The following GRM4 variants were observed in gnomAD, a reference collection of about 807,000 sequenced individuals.
GRM4 encodes the protein metabotropic glutamate receptor 4.
GRM4 carries 28 observed loss-of-function variants against 81.7 expected under a neutral mutation model. The observed-to-expected ratio is 0.34, with a 90% CI of 0.25 to 0.47. GRM4 has a LOEUF of 0.47. GRM4 is among the 20% of genes least tolerant of loss of function. The probability of loss-of-function intolerance (pLI) is 1.00; values close to 1 mark genes in which losing one functional copy is unlikely to be tolerated. For synonymous variants in GRM4, 488 were observed against 528.8 expected (o/e 0.92, Z 1.06); for missense variants, 948 against 1,290.0 (o/e 0.73, Z 4.06).
intron 2 of GRM4, chr6:34,102,118 C>T: frequency 2.0e-6 from 3 of 1,535,606 alleles, no homozygotes; most frequent in Non-Finnish European, 2.6e-6. Flanking sequence ...GAGTTTGCAC[C>T]ATCTTGCAGC....
rs936737574 is a variant in GRM4 at position 34,130,054 on chromosome 6, G to A, written c.519+2924C>T. On this transcript the variant is annotated intron_variant, in intron 2 of 10. Transcript: ENST00000538487. This position sits in a 1 kb window ranked among gnomAD's most constrained non-coding sequence, Gnocchi z 4.1. ...TTGAAATGGACACCTGGTGGTGGGC[G>A]CAGGTCCCCTCCCCCAAGGCATCCC... Among the ~76,000 whole-genome samples, 2 of 152,126 alleles carry A rather than the reference G, an allele frequency of 1.3e-5. No individual in the cohort carries two copies. Among genetic ancestry groups the A allele is most frequent in the African/African-American group, 4.8e-5 (2 of 41,416 alleles).
At chr6:34,044,229 G>T (rs796240007) in intron 6 of GRM4, among the ~76,000 whole-genome samples, 1 of 117,660 alleles carries the variant, frequency 8.5e-6, no homozygotes. Context: ...CATATATACA[G>T]ACACACACAT....
In GRM4 at chr6:34,065,443, A is replaced by G. The variant is rs928094114; in HGVS notation, c.737-3415T>C. Among the ~76,000 whole-genome samples the G allele has an allele frequency of 2.0e-5, 3 of 152,188 alleles. No homozygotes were observed. The South Asian group carries it at 6.2e-4, about 32-fold the overall frequency. On this transcript the variant is annotated intron_variant, in intron 3 of 10. Transcript: ENST00000538487. ...TCAAATGAAAGCCCACAAAGCCCTC[A>G]GGGAACAAGCCCACTCCGTATCTCA...
chr6:34,031,076 G>T (rs887715722), intron 9 of GRM4, among the ~76,000 whole-genome samples: 1 of 152,208 alleles, frequency 6.6e-6, no homozygotes, highest in Non-Finnish European at 1.5e-5. Context: ...GGAGGTGGTA[G>T]CAGGTTAACC....
At chr6:34,125,042 C>G (rs1046033620) in intron 2 of GRM4, among the ~76,000 whole-genome samples, 1 of 152,120 alleles carries the variant, frequency 6.6e-6, no homozygotes, top group Non-Finnish European at 1.5e-5. Flanking sequence ...GGCGCTATCT[C>G]TGCTCACTGC....
rs1479553931 is a variant in GRM4, at chr6:34,121,092, C to A, written c.519+11886G>T. On this transcript the variant is annotated intron_variant, in intron 2 of 10. Coordinates refer to ENST00000538487, the MANE Select transcript of GRM4 (RefSeq NM_000841.4). The surrounding 1 kb of genome is among the most constrained non-coding windows in gnomAD (Gnocchi z 4.6). Reference sequence around the variant, plus strand: ...ACGGACCCACATTGAACATGCCACTCATTTTCAATAAAGTAAAAGGCGGCG... The same window carrying A: ...ACGGACCCACATTGAACATGCCACTAATTTTCAATAAAGTAAAAGGCGGCG... Among the ~76,000 whole-genome samples the A allele has an allele frequency of 6.6e-6, 1 of 152,140 alleles. No individual in the cohort carries two copies. The highest frequency in any genetic ancestry group is 1.9e-4 in the East Asian group (1 of 5,194).
In GRM4 at chr6:34,035,842, C is replaced by T. The variant is rs1764671807; in HGVS notation, c.2268G>A (p.Leu756=). Residue 756 remains leucine, a synonymous_variant, in exon 9 of 11, where the codon CTG becomes CTA. Coordinates refer to ENST00000538487, the MANE Select transcript of GRM4 (RefSeq NM_000841.4). The surrounding 1 kb of genome is among the most constrained non-coding windows in gnomAD (Gnocchi z 6.6). ...CDISDLSLIC[L]LGYSMLLMVT... is the part of the protein sequence containing the mutation. Reference sequence around the variant, plus strand: ...CCATGAGCAGCATGCTGTAGCCCAGCAGGCAGATGAGCGACAGGTCCGAGA... The same window carrying T: ...CCATGAGCAGCATGCTGTAGCCCAGTAGGCAGATGAGCGACAGGTCCGAGA... The T allele has an allele frequency of 1.9e-6, 3 of 1,612,968 alleles. No homozygotes were observed. The highest frequency in any genetic ancestry group is 2.5e-6 in the Non-Finnish European group (3 of 1,179,018).
Position 34,115,729 on chromosome 6 carries a change from A to C in GRM4, c.519+17249T>G, listed in dbSNP as rs905675633. On this transcript the variant is annotated intron_variant, in intron 2 of 10. Transcript: ENST00000538487. The surrounding 1 kb of genome is among the most constrained non-coding windows in gnomAD (Gnocchi z 4.1). ...CCCAGCCCTCCCTAAATAACTGTGCAGCGCGAGGCTGGAGGAGGAGTTCGA... is the reference window on the plus strand; with the variant it reads ...CCCAGCCCTCCCTAAATAACTGTGCCGCGCGAGGCTGGAGGAGGAGTTCGA... 7.2e-5 allele frequency among the ~76,000 whole-genome samples: 11 copies of C among 152,326 alleles called. No homozygotes were observed. In the South Asian group the frequency reaches 1.7e-3, roughly 23 times the overall value.
chr6:34,059,344 C>T lies in GRM4; in HGVS notation c.873-216G>A, dbSNP rs1766068119. ...ATGGCTACCGCCTCATCCAACCTGC[C>T]TGCCCCTGGGCCCACGCCTGCTGCA... On this transcript the variant is annotated intron_variant, in intron 4 of 10. Transcript: ENST00000538487. The surrounding 1 kb of genome is among the most constrained non-coding windows in gnomAD (Gnocchi z 5.7). 3.4e-6 allele frequency: 2 copies of T among 586,068 alleles called. No homozygotes were observed. Among genetic ancestry groups the T allele is most frequent in the South Asian group, 2.0e-5 (1 of 50,066 alleles). The allele number at this position is 586,068 out of a possible 1,614,324, so 36.3% of individuals were successfully genotyped here.
intron 2 of GRM4, chr6:34,110,574 C>T: frequency 1.6e-6 from 1 of 632,770 alleles, no homozygotes; most frequent in Non-Finnish European, 2.8e-6. Flanking sequence ...GATTGAATGT[C>T]ATCTTCTCAG....
chr6:34,092,340 A>G lies in GRM4; in HGVS notation c.520-241T>C, dbSNP rs1217982340. Among the ~76,000 whole-genome samples, 2 of 152,170 alleles carry G rather than the reference A, an allele frequency of 1.3e-5. No homozygotes were observed. The highest frequency in any genetic ancestry group is 3.8e-4 in the East Asian group (2 of 5,198). ...ACAGGCACACACATACATACACCAC[A>G]CACACATACACCCTGGGAGCCTCTG... On this transcript the variant is annotated intron_variant, in intron 2 of 10. Coordinates refer to ENST00000538487, the MANE Select transcript of GRM4 (RefSeq NM_000841.4). The surrounding 1 kb of genome is among the most constrained non-coding windows in gnomAD (Gnocchi z 6.8).
Position 34,047,588 on chromosome 6 carries a change from C to T in GRM4, c.1169-6840G>A, listed in dbSNP as rs772807860. On this transcript the variant is annotated intron_variant, in intron 6 of 10. Coordinates refer to ENST00000538487, the MANE Select transcript of GRM4 (RefSeq NM_000841.4). The surrounding 1 kb of genome is among the most constrained non-coding windows in gnomAD (Gnocchi z 4.5). ...TCTCGAATTTTCATCCTCATCAAGTCGCCTGCCTTCCAGTCTGGGAATTTC... is the reference window on the plus strand; with the variant it reads ...TCTCGAATTTTCATCCTCATCAAGTTGCCTGCCTTCCAGTCTGGGAATTTC... 2.6e-5 allele frequency among the ~76,000 whole-genome samples: 4 copies of T among 152,254 alleles called. No homozygotes were observed. The highest frequency in any genetic ancestry group is 4.4e-5 in the Non-Finnish European group (3 of 68,018).
chr6:34,155,085 A>G (rs1255811692), exon 1 of GRM4: 1 of 1,519,368 alleles, frequency 6.6e-7, no homozygotes, highest in Non-Finnish European at 8.8e-7. Flanking sequence ...TCACCTGAGC[A>G]GATTCCGGAA....
intron 6 of GRM4, 44 bp downstream of exon 6, chr6:34,056,500 C>A (rs1361558746): frequency 2.6e-6 from 4 of 1,568,022 alleles, no homozygotes; most frequent in South Asian, 1.1e-5. Flanking sequence ...CCCTCCCCGG[C>A]TCCTCCTAGA....
At chr6:34,073,689 G>A (rs1767157776) in intron 3 of GRM4, among the ~76,000 whole-genome samples, 1 of 151,450 alleles carries the variant, frequency 6.6e-6, no homozygotes, top group East Asian at 1.9e-4. Context: ...CACAGTCACC[G>A]CACGTGAACA....
chr6:34,144,092 T>C (rs1770815912), intron 1 of GRM4, among the ~76,000 whole-genome samples: 1 of 152,150 alleles, frequency 6.6e-6, no homozygotes, highest in South Asian at 2.1e-4. Context: ...AGGCGCCTCC[T>C]CCGACAGGGA....
chr6:34,145,590 G>A (rs1770895849), intron 1 of GRM4, among the ~76,000 whole-genome samples: 1 of 152,174 alleles, frequency 6.6e-6, no homozygotes, highest in Admixed American at 6.5e-5. Context: ...GCGCTGGAGA[G>A]CGAGCGAGAG....
chr6:34,040,560 C>T lies in GRM4; in HGVS notation c.1357G>A (p.Val453Ile), dbSNP rs776838103. The T allele has an allele frequency of 5.6e-6, 9 of 1,613,044 alleles. No individual in the cohort carries two copies. The highest frequency in any genetic ancestry group is 5.0e-5 in the Admixed American group (3 of 59,940). The change falls in exon 7 of 11, where the codon GTC (valine) becomes ATC (isoleucine). Residue 453 changes from valine to isoleucine, a missense_variant. Transcript: ENST00000538487. ...ACCACACCCCCACCTGAGAAGTTGA[C>T]GTTTCGGATGTACTTAAGCAGCTGG... ...GTQLLKYIRN[V>I]NFSGIAGNPV...
At chr6:34,095,118 G>A (rs774994276) in intron 2 of GRM4, among the ~76,000 whole-genome samples, 12 of 152,192 alleles carry the variant, frequency 7.9e-5, no homozygotes, top group African/African-American at 1.4e-4. Context: ...GGATATGCGC[G>A]TCAGCCTGCA....
Sources: allele counts gnomAD v4.1 joint callset (sites outside exome capture counted in the v4.1 genomes callset), GRCh38; gene constraint gnomAD v4.1.1; non-coding constraint Gnocchi (gnomAD v3.1); transcripts MANE v1.5; gene names NCBI Gene and HGNC (gene_info 2026-07-23, HGNC 2026-07-21).